Variants in AFF3 observed in about 807,000 individuals in gnomAD.
AFF3 encodes ALF transcription elongation factor 3.
In AFF3, 32 loss-of-function variants were observed where a neutral mutation model predicts 129.7. The ratio of observed to expected loss-of-function variants is 0.25; its 90% CI spans 0.19 to 0.33. AFF3 has a LOEUF of 0.33. Ranked by LOEUF, AFF3 falls within the 10% of genes least tolerant of loss-of-function variation. The pLI is 1.00. For missense variants in AFF3, 1,373 were observed against 1,592.0 expected, an observed-to-expected ratio of 0.86 and a Z score of 2.34; for synonymous variants, 644 against 635.4, an observed-to-expected ratio of 1.01 and a Z score of -0.20.
rs1291098913 is a variant in AFF3, at chr2:100,100,283, CTT to C, written c.53+4117_53+4118del. On this transcript the variant is annotated intron_variant, in intron 4 of 24. Coordinates refer to ENST00000672756, the MANE Select transcript of AFF3 (RefSeq NM_001386135.1). ...TGAAATACAAGTTCATTTTGGAAAA[CTT>C]TTCTCATTCACTGAAACTACCTCAT... Among the ~76,000 whole-genome samples, 4 of 125,876 alleles carry C rather than the reference CTT, an allele frequency of 3.2e-5. No homozygotes were observed. In the East Asian group the frequency reaches 8.7e-4, roughly 27 times the overall value. 82.6% of individuals were successfully genotyped at this position (125,876 alleles called of 152,430 possible).
intron 7 of AFF3, among the ~76,000 whole-genome samples, chr2:99,992,417 T>G (rs1008119645): frequency 2.3e-4 from 35 of 152,240 alleles, no homozygotes; most frequent in African/African-American, 7.7e-4. Context: ...ATCCACTTAT[T>G]ATCCAAAGAC....
intron 7 of AFF3, among the ~76,000 whole-genome samples, chr2:99,981,517 A>G (rs1679402087): frequency 6.6e-6 from 1 of 152,192 alleles, no homozygotes; most frequent in African/African-American, 2.4e-5. Flanking sequence ...CTTGGTTCCC[A>G]ATCCTTCACT....
chr2:99,619,887 A>C (rs544665187), intron 13 of AFF3, among the ~76,000 whole-genome samples: 1 of 152,180 alleles, frequency 6.6e-6, no homozygotes, highest in South Asian at 2.1e-4. Flanking sequence ...AAGGGTAATA[A>C]GGCAACAAAT....
intron 7 of AFF3, among the ~76,000 whole-genome samples, chr2:99,964,891 G>A (rs1015394331): frequency 5.3e-5 from 8 of 152,106 alleles, no homozygotes; most frequent in Non-Finnish European, 1.2e-4. Context: ...TGGGTGAAGG[G>A]TACACAATCT....
At chr2:99,756,098 G>T (rs1362106151) in intron 8 of AFF3, among the ~76,000 whole-genome samples, 1 of 152,214 alleles carries the variant, frequency 6.6e-6, no homozygotes. Context: ...GCTCTTGCCA[G>T]GTGGTTCTGG....
intron 1 of AFF3, among the ~76,000 whole-genome samples, chr2:100,136,451 C>G (rs1259668197): frequency 6.6e-6 from 1 of 152,178 alleles, no homozygotes; most frequent in Non-Finnish European, 1.5e-5. Context: ...TGTGTCAAAT[C>G]AGCTGAAGAA....
chr2:99,986,140 G>C (rs1679840704), intron 7 of AFF3, among the ~76,000 whole-genome samples: 1 of 150,868 alleles, frequency 6.6e-6, no homozygotes, highest in African/African-American at 2.4e-5. Context: ...GGCGGAGCTT[G>C]CCGTGAGCTG....
chr2:99,596,830 C>T (rs1010114971), intron 14 of AFF3, among the ~76,000 whole-genome samples: 1 of 152,186 alleles, frequency 6.6e-6, no homozygotes, highest in African/African-American at 2.4e-5. Flanking sequence ...ATTTTTTCTG[C>T]ACTTCACAGC....
intron 7 of AFF3, among the ~76,000 whole-genome samples, chr2:99,868,545 G>A (rs1691616750): frequency 6.6e-6 from 1 of 152,070 alleles, no homozygotes; most frequent in Non-Finnish European, 1.5e-5. Flanking sequence ...CAAGGGTCTG[G>A]GTGCTTTAAC....
chr2:99,601,357 C>T, intron 14 of AFF3, 78 bp downstream of exon 14: 1 of 1,435,632 alleles, frequency 7.0e-7, no homozygotes. Flanking sequence ...AGCAGTGTGA[C>T]AGTGACAATG....
At chr2:99,909,304 A>C (rs1694953407) in intron 7 of AFF3, among the ~76,000 whole-genome samples, 1 of 143,748 alleles carries the variant, frequency 7.0e-6, no homozygotes. Context: ...ACATGGACAC[A>C]GGAAGGGGAA....
intron 7 of AFF3, among the ~76,000 whole-genome samples, chr2:99,879,429 A>T (rs757111946): frequency 6.6e-6 from 1 of 152,170 alleles, no homozygotes; most frequent in Non-Finnish European, 1.5e-5. Flanking sequence ...AACAATATTA[A>T]TAATATTAAT....
chr2:100,001,438 G>A (rs1681397754), intron 7 of AFF3, among the ~76,000 whole-genome samples: 1 of 151,952 alleles, frequency 6.6e-6, no homozygotes, highest in Admixed American at 6.6e-5. Context: ...TTTGGTTTTT[G>A]GTTTTTTTGA....
chr2:99,664,443 T>G (rs564824306), intron 12 of AFF3, among the ~76,000 whole-genome samples: 2 of 152,258 alleles, frequency 1.3e-5, no homozygotes, highest in Non-Finnish European at 2.9e-5. Flanking sequence ...AGATAACTTA[T>G]GAAAACTTGT....
chr2:99,554,359 T>A lies in AFF3; in HGVS notation c.3511A>T (p.Ser1171Cys). The change falls in exon 24 of 25, where the codon AGC (serine) becomes TGC (cysteine). Residue 1171 changes from serine to cysteine, a missense_variant. Transcript: ENST00000672756. ...TCGGCCATCTCCCAGTAGTCGTAGCTGTGCAGGATGCTGTTGGTGATGCTG... is the reference window on the plus strand; with the variant it reads ...TCGGCCATCTCCCAGTAGTCGTAGCAGTGCAGGATGCTGTTGGTGATGCTG... ...HVSITNSILH[S>C]YDYWEMADNL... 1 of 1,614,230 alleles carries A rather than the reference T, an allele frequency of 6.2e-7. No homozygotes were observed. Among genetic ancestry groups the A allele is most frequent in the East Asian group, 2.2e-5 (1 of 44,884 alleles).
rs557361321 is a variant in AFF3 at position 100,129,261 on chromosome 2, T to C, written c.-182A>G. 6.6e-6 allele frequency: 1 copy of C among 152,306 alleles called. No individual in the cohort carries two copies. Among genetic ancestry groups the C allele is most frequent in the Admixed American group, 6.5e-5 (1 of 15,296 alleles). The allele number at this position is 152,306 out of a possible 1,614,324, so 9.4% of individuals were successfully genotyped here. ...TACTCCGGATTGATGCTTCCCGATGTAAACAATGGCTGATCGTAAGGTCTA... is the reference window on the plus strand; with the variant it reads ...TACTCCGGATTGATGCTTCCCGATGCAAACAATGGCTGATCGTAAGGTCTA... On this transcript the variant is annotated 5_prime_UTR_variant, in exon 2 of 25. Transcript: ENST00000672756.
intron 10 of AFF3, among the ~76,000 whole-genome samples, chr2:99,732,307 C>T (rs1347889720): frequency 2.0e-5 from 3 of 148,580 alleles, no homozygotes; most frequent in Non-Finnish European, 4.4e-5. Flanking sequence ...GAGATTGTGC[C>T]ACTGCACTCC....
chr2:100,110,515 G>A (rs181238615), intron 2 of AFF3, among the ~76,000 whole-genome samples: 19 of 152,318 alleles, frequency 1.2e-4, no homozygotes, highest in East Asian at 3.9e-4. Flanking sequence ...GGAGGAAACC[G>A]AAGCTGCAAA....
At chr2:99,613,971 A>G (rs1681178674) in intron 13 of AFF3, among the ~76,000 whole-genome samples, 2 of 152,266 alleles carry the variant, frequency 1.3e-5, no homozygotes, top group Admixed American at 1.3e-4. Flanking sequence ...TCCAAAAATA[A>G]ACAGGATGGG....
Sources: allele counts gnomAD v4.1 joint callset (sites outside exome capture counted in the v4.1 genomes callset), GRCh38; gene constraint gnomAD v4.1.1; transcripts MANE v1.5; gene names NCBI Gene and HGNC (gene_info 2026-07-23, HGNC 2026-07-21).